The following RBP4 variants were observed in gnomAD, a reference collection of about 807,000 sequenced individuals.
RBP4 encodes retinol binding protein 4, also known as retinol-binding protein 4.
A neutral mutation model predicts 26.2 loss-of-function variants in RBP4; 9 were observed. The ratio of observed to expected loss-of-function variants is 0.34; its 90% confidence interval spans 0.21 to 0.60. The LOEUF is 0.60. RBP4 is among the 20% of genes least tolerant of loss of function. RBP4 has a pLI of 0.80. For synonymous variants in RBP4, 114 were observed against 111.0 expected (o/e 1.03, Z -0.17); for missense variants, 244 against 271.3 (o/e 0.90, Z 0.71).
chr10:93,600,599 G>GA, intron 3 of RBP4, 68 bp downstream of exon 3: 1 of 1,612,340 alleles, frequency 6.2e-7, no homozygotes, highest in Non-Finnish European at 8.5e-7. Flanking sequence ...CCCACGTGGC[G>GA]ATCAGCAGGC....
chr10:93,592,151 G>A (rs1270198068), intron 5 of RBP4, 39 bp from the exon 6 acceptor site: 4 of 1,596,838 alleles, frequency 2.5e-6, no homozygotes, highest in African/African-American at 2.7e-5. Flanking sequence ...GACAGAAAGT[G>A]GACCCAGTTT....
In RBP4 at chr10:93,592,079, A is replaced by C. The variant is rs1276584529; in HGVS notation, c.602T>G (p.Leu201Trp). ...GAAACTAGATTCTTGATATTGCTAC[A>C]AAAGGTTTCTTTCTGATCTGCCATC... Reference protein sequence around the residue: ...YCDGRSERNLL With the variant: ...YCDGRSERNLW The change falls in exon 6 of 6, where the codon TTG becomes TGG. Residue 201 changes from leucine to tryptophan, a missense_variant. Transcript: ENST00000371464. 1.2e-6 allele frequency: 2 copies of C among 1,613,776 alleles called. No homozygotes were observed. Among genetic ancestry groups the C allele is most frequent in the African/African-American group, 2.7e-5 (2 of 74,936 alleles).
upstream of RBP4, chr10:93,601,669 C>T (rs542970357): frequency 4.5e-4 from 351 of 778,762 alleles, 1 homozygote; most frequent in South Asian, 4.6e-3. Context: ...TTGGCGCCTC[C>T]GTCTGCCTTC....
Position 93,600,702 on chromosome 10 carries a change from C to T in RBP4, c.213G>A (p.Met71Ile), listed in dbSNP as rs764527292. 1.2e-6 allele frequency: 2 copies of T among 1,610,800 alleles called. No homozygotes were observed. Among genetic ancestry groups the T allele is most frequent in the Non-Finnish European group, 1.7e-6 (2 of 1,178,728 alleles). Residue 71 changes from methionine (M) to isoleucine (I), a missense_variant, in exon 3 of 6, where the codon ATG becomes ATA. Physicochemically the swap from Met to Ile is conservative, Grantham distance 10 (BLOSUM62 1). Coordinates refer to ENST00000371464, the MANE Select transcript of RBP4 (RefSeq NM_006744.4). Reference sequence around the variant, plus strand: ...GGACTCGGCCCTTGGCTGTGGCGCTCATCTGGCCGGTCTCGTCCACGGAGA... The same window carrying T: ...GGACTCGGCCCTTGGCTGTGGCGCTTATCTGGCCGGTCTCGTCCACGGAGA... The part of the protein sequence containing the change: ...AEFSVDETGQ[M>I]SATAKGRVRL...
In RBP4 at chr10:93,596,520, C is replaced by T. The variant is rs565082163; in HGVS notation, c.356-2485G>A. On this transcript the variant is annotated intron_variant, in intron 4 of 5. Transcript: ENST00000371464. ...GCTGGGCAGGGCTCCTCTGGAGAAC[C>T]AGACACCCCCAGCCATTTCCAGACT... Among the ~76,000 whole-genome samples, 15 of 152,300 alleles carry T rather than the reference C, an allele frequency of 9.8e-5. No homozygotes were observed. In the East Asian group the frequency reaches 1.9e-3, roughly 20 times the overall value.
intron 5 of RBP4, among the ~76,000 whole-genome samples, chr10:93,592,828 A>AT (rs59919260): frequency 6.6e-6 from 1 of 151,596 alleles, no homozygotes; most frequent in Non-Finnish European, 1.5e-5. Flanking sequence ...TATTATTATT[A>AT]TTTTTTTGAG....
At position 93,600,930 on chromosome 10, in the gene RBP4, G is replaced by A. The variant is rs2058333754; in HGVS notation, c.99C>T (p.Phe33=). 4.3e-6 allele frequency: 7 copies of A among 1,612,524 alleles called. No homozygotes were observed. Among genetic ancestry groups the A allele is most frequent in the Non-Finnish European group, 5.9e-6 (7 of 1,179,776 alleles). ...RVSSFRVKEN[F]DKARFSGTWY... is the part of the protein sequence containing the mutation. ...GGCCGATACCTACGCGAGCCTTGTCGAAGTTCTCCTTGACTCGGAAGCTGC... is the reference window on the plus strand; with the variant it reads ...GGCCGATACCTACGCGAGCCTTGTCAAAGTTCTCCTTGACTCGGAAGCTGC... Residue 33 remains phenylalanine (F), a synonymous_variant, in exon 2 of 6, where the codon TTC becomes TTT. Coordinates refer to ENST00000371464, the MANE Select transcript of RBP4 (RefSeq NM_006744.4).
rs1049674420 is a variant in RBP4, at chr10:93,600,919, C to T, written c.110G>A (p.Arg37His). The change falls in exon 2 of 6, where the codon CGC becomes CAC. Residue 37 changes from arginine (R) to histidine (H), a missense_variant and splice_region_variant. Transcript: ENST00000371464. ...TGGGCCCCCTGGGCCGATACCTACG[C>T]GAGCCTTGTCGAAGTTCTCCTTGAC... ...FRVKENFDKA[R>H]FSGTWYAMAK... The T allele has an allele frequency of 2.5e-6, 4 of 1,612,390 alleles. No individual in the cohort carries two copies. In the African/African-American group the frequency reaches 4.0e-5, roughly 16 times the overall value.
At position 93,601,061 on chromosome 10, in the gene RBP4, C is replaced by T. The variant is rs1285050358; in HGVS notation, c.-18-15G>A. The T allele has an allele frequency of 1.3e-5, 21 of 1,602,792 alleles. No individual in the cohort carries two copies. The highest frequency in any genetic ancestry group is 6.7e-5 in the East Asian group (3 of 44,842). On this transcript the variant is annotated splice_polypyrimidine_tract_variant and intron_variant, in intron 1 of 5. Coordinates refer to ENST00000371464, the MANE Select transcript of RBP4 (RefSeq NM_006744.4). ...AGGAATCCGCCCTGCGGGAGACGCG[C>T]CTCCGTCAGTGCCCGGCAGCCGACC...
Position 93,591,927 on chromosome 10 carries a change from C to T in RBP4, c.*148G>A. 1.4e-6 allele frequency: 1 copy of T among 706,724 alleles called. No homozygotes were observed. The highest frequency in any genetic ancestry group is 2.5e-5 in the East Asian group (1 of 39,612). The allele number at this position is 706,724 out of a possible 1,614,324, so 43.8% of individuals were successfully genotyped here. ...AGGAAAGGCAAGCAGATTCACTGACCCCCACGTGTATCTTTATGTGTAATG... is the reference window on the plus strand; with the variant it reads ...AGGAAAGGCAAGCAGATTCACTGACTCCCACGTGTATCTTTATGTGTAATG... On this transcript the variant is annotated 3_prime_UTR_variant, in exon 6 of 6. Transcript: ENST00000371464.
At chr10:93,596,694 C>T (rs1007139826) in intron 4 of RBP4, among the ~76,000 whole-genome samples, 6 of 152,176 alleles carry the variant, frequency 3.9e-5, no homozygotes, top group Non-Finnish European at 8.8e-5. Flanking sequence ...ACTGGTTTAG[C>T]GGTTTGGACT....
rs2058269313 is a variant in RBP4, at chr10:93,591,964, G to A, written c.*111C>T. ...CTTTATGTGTAATGAAGGTTTTATG[G>A]GAACTGAGGGAAGATGGGGAGAGAA... On this transcript the variant is annotated 3_prime_UTR_variant, in exon 6 of 6. Coordinates refer to ENST00000371464, the MANE Select transcript of RBP4 (RefSeq NM_006744.4). The A allele has an allele frequency of 9.8e-6, 9 of 914,658 alleles. No homozygotes were observed. The South Asian group carries it at 1.2e-4, about 12-fold the overall frequency. The allele number at this position is 914,658 out of a possible 1,614,324, so 56.7% of individuals were successfully genotyped here.
Position 93,596,455 on chromosome 10 carries a change from C to G in RBP4, c.356-2420G>C, listed in dbSNP as rs1024779721. Among the ~76,000 whole-genome samples the G allele has an allele frequency of 3.3e-5, 5 of 152,166 alleles. No individual in the cohort carries two copies. In the South Asian group the frequency reaches 1.0e-3, roughly 32 times the overall value. On this transcript the variant is annotated intron_variant, in intron 4 of 5. Transcript: ENST00000371464. ...CAAGAGATGAACTGCCAGAGCACTG[C>G]GAGAATGAGGTTGGTTCTCTAACCT...
Position 93,601,046 on chromosome 10 carries a change from C to A in RBP4, c.-18G>T. Reference sequence around the variant, plus strand: ...CACTTCATCTTGCCCAGGAATCCGCCCTGCGGGAGACGCGCCTCCGTCAGT... The same window carrying A: ...CACTTCATCTTGCCCAGGAATCCGCACTGCGGGAGACGCGCCTCCGTCAGT... On this transcript the variant is annotated splice_region_variant and 5_prime_UTR_variant, in exon 2 of 6. Coordinates refer to ENST00000371464, the MANE Select transcript of RBP4 (RefSeq NM_006744.4). 6.2e-7 allele frequency: 1 copy of A among 1,607,082 alleles called. No homozygotes were observed. Among genetic ancestry groups the A allele is most frequent in the African/African-American group, 1.3e-5 (1 of 75,026 alleles).
At chr10:93,594,232 T>C (rs1383989813) in intron 4 of RBP4, among the ~76,000 whole-genome samples, 197 bp from the exon 5 acceptor site, 1 of 152,168 alleles carries the variant, frequency 6.6e-6, no homozygotes, top group Non-Finnish European at 1.5e-5. Flanking sequence ...TTCTCCTTTA[T>C]TGAAAAAAAT....
intron 4 of RBP4, 86 bp downstream of exon 4, chr10:93,600,307 G>T: frequency 2.6e-6 from 3 of 1,144,604 alleles, no homozygotes; most frequent in Non-Finnish European, 4.0e-6. Flanking sequence ...TCTTCCTAAG[G>T]GTAGGTACCT....
chr10:93,599,503 T>A (rs1433944095), intron 4 of RBP4, among the ~76,000 whole-genome samples: 5 of 152,186 alleles, frequency 3.3e-5, no homozygotes, highest in Admixed American at 1.3e-4. Context: ...TCCCTGCAGT[T>A]CAGGGCCACC....
intron 4 of RBP4, among the ~76,000 whole-genome samples, chr10:93,599,556 C>A (rs10882280): frequency 0.081 from 12,325 of 152,228 alleles, 612 homozygotes; most frequent in Middle Eastern, 0.11. Context: ...CTGACATTGG[C>A]TCTAACAAAC....
upstream of RBP4, chr10:93,601,565 AGTCAACCT>A: frequency 1.5e-6 from 1 of 674,588 alleles, no homozygotes; most frequent in Non-Finnish European, 2.7e-6. Flanking sequence ...AGGAGGCTCG[AGTCAACCT>A]GGCGGGAAGA....
Sources: allele counts gnomAD v4.1 joint callset (sites outside exome capture counted in the v4.1 genomes callset), GRCh38; gene constraint gnomAD v4.1.1; transcripts MANE v1.5; gene names NCBI Gene and HGNC (gene_info 2026-07-23, HGNC 2026-07-21).